RGS20: variants seen among roughly 807,000 people sequenced by gnomAD.
The protein encoded by RGS20 is gz-selective GTPase-activating protein.
In RGS20, 30 loss-of-function variants were observed where a neutral mutation model predicts 33.6. The observed-to-expected ratio is 0.89, with a 90% CI of 0.67 to 1.21. RGS20 has a LOEUF of 1.21. RGS20 is among the 50% of genes most tolerant of loss of function. The pLI is 0.00. For synonymous variants in RGS20, 208 were observed against 197.9 expected, an observed-to-expected ratio of 1.05 and a Z score of -0.43; for missense variants, 472 against 502.4, an observed-to-expected ratio of 0.94 and a Z score of 0.58.
rs1482927312 is a variant in RGS20 at position 53,939,574 on chromosome 8, A to T, written c.511-2A>T. On this transcript the variant is annotated splice_acceptor_variant, in intron 2 of 5. Transcript: ENST00000297313. LOFTEE classifies it high-confidence loss of function. ...CCCGCTTTGTTCCTCTCCCTCTTGC[A>T]GCAGATGGGATCAGAGCGGATGGAG... 1.3e-6 allele frequency: 2 copies of T among 1,552,036 alleles called. No individual in the cohort carries two copies. Among genetic ancestry groups the T allele is most frequent in the Non-Finnish European group, 1.7e-6 (2 of 1,147,162 alleles).
At chr8:53,879,635 C>T (rs764223478) in intron 2 of RGS20, 84 of 1,410,874 alleles carry the variant, frequency 6.0e-5, no homozygotes, top group Non-Finnish European at 5.7e-5. Flanking sequence ...CGCCCCACAC[C>T]CAGCCTCCCC....
intron 1 of RGS20, among the ~76,000 whole-genome samples, chr8:53,875,448 A>AAAC (rs1812182339): frequency 6.9e-6 from 1 of 145,554 alleles, no homozygotes; most frequent in Non-Finnish European, 1.5e-5. Context: ...AAAAAAAAAA[A>AAAC]AACCAAAAAA....
At chr8:53,869,763 C>G (rs576019305) in intron 1 of RGS20, among the ~76,000 whole-genome samples, 14 of 152,278 alleles carry the variant, frequency 9.2e-5, no homozygotes, top group Non-Finnish European at 1.8e-4. Context: ...GCTACACACA[C>G]CAAGAGAACA....
chr8:53,906,249 G>A (rs1333047898), intron 2 of RGS20, among the ~76,000 whole-genome samples: 1 of 152,070 alleles, frequency 6.6e-6, no homozygotes, highest in African/African-American at 2.4e-5. Context: ...GGTGGCACGT[G>A]CCTACAGTCC....
intron 2 of RGS20, among the ~76,000 whole-genome samples, chr8:53,902,535 CTCTA>C (rs1248597511): frequency 1.3e-5 from 2 of 152,106 alleles, no homozygotes; most frequent in African/African-American, 2.4e-5. Flanking sequence ...TATCCTTCCT[CTCTA>C]TCTTTCTCAT....
intron 2 of RGS20, among the ~76,000 whole-genome samples, chr8:53,937,588 G>C (rs1194363211): frequency 6.6e-6 from 1 of 152,240 alleles, no homozygotes; most frequent in East Asian, 1.9e-4. Flanking sequence ...TCATCAGAGT[G>C]AACAGGCAAC....
At chr8:53,906,350 T>C (rs1211024614) in intron 2 of RGS20, among the ~76,000 whole-genome samples, 4 of 151,710 alleles carry the variant, frequency 2.6e-5, no homozygotes, top group African/African-American at 9.7e-5. Context: ...CACTCCAGCC[T>C]GGGTGACAGA....
intron 2 of RGS20, among the ~76,000 whole-genome samples, chr8:53,898,293 T>G (rs140614232): frequency 6.6e-5 from 10 of 152,298 alleles, no homozygotes; most frequent in Admixed American, 1.3e-4. Flanking sequence ...CCCAGACCAC[T>G]GTCCTGGTAT....
At chr8:53,861,147 A>G (rs1811801349) in intron 1 of RGS20, among the ~76,000 whole-genome samples, 1 of 152,208 alleles carries the variant, frequency 6.6e-6, no homozygotes, top group African/African-American at 2.4e-5. Context: ...TGGCATTTTT[A>G]TATCTATCAC....
At chr8:53,938,438 C>T (rs969666236) in intron 2 of RGS20, among the ~76,000 whole-genome samples, 4 of 152,064 alleles carry the variant, frequency 2.6e-5, no homozygotes, top group African/African-American at 7.2e-5. Flanking sequence ...ATGTAGATGA[C>T]GGATTGATGG....
chr8:53,871,540 C>T (rs1812066607), intron 1 of RGS20, among the ~76,000 whole-genome samples: 1 of 151,956 alleles, frequency 6.6e-6, no homozygotes, highest in Non-Finnish European at 1.5e-5. Flanking sequence ...TCGCTTGACC[C>T]TGAGAGGCAG....
Position 53,926,034 on chromosome 8 carries a change from C to T in RGS20, c.511-13542C>T, listed in dbSNP as rs550323689. On this transcript the variant is annotated intron_variant, in intron 2 of 5. Transcript: ENST00000297313. ...CCAGGAGTTTGAGACATAGTGAGAT[C>T]CCACCTCTATGAAAAAAAATTGTTA... 3.6e-4 allele frequency among the ~76,000 whole-genome samples: 55 copies of T among 152,154 alleles called. No homozygotes were observed. The South Asian group carries it at 6.2e-3, about 17-fold the overall frequency.
chr8:53,882,412 A>T (rs916943917), intron 2 of RGS20, among the ~76,000 whole-genome samples: 10 of 151,972 alleles, frequency 6.6e-5, no homozygotes, highest in African/African-American at 1.9e-4. Context: ...AGCAGCAGGG[A>T]CGCGGCCGTG....
At chr8:53,894,275 A>G (rs1414586526) in intron 2 of RGS20, among the ~76,000 whole-genome samples, 1 of 152,206 alleles carries the variant, frequency 6.6e-6, no homozygotes, top group Non-Finnish European at 1.5e-5. Context: ...CTTCAATTTT[A>G]GATCTGTTTG....
intron 2 of RGS20, among the ~76,000 whole-genome samples, chr8:53,903,134 A>T (rs1813076541): frequency 6.6e-6 from 1 of 152,228 alleles, no homozygotes; most frequent in African/African-American, 2.4e-5. Context: ...TTAATTTATT[A>T]AGCAGCTGTG....
At chr8:53,956,048 G>A (rs924331698) in intron 5 of RGS20, among the ~76,000 whole-genome samples, 5 of 152,118 alleles carry the variant, frequency 3.3e-5, no homozygotes, top group African/African-American at 1.2e-4. Context: ...ACTGGGGCTC[G>A]GGGGTGAGCC....
rs1009115960 is a variant in RGS20, at chr8:53,852,587, T to G, written c.165+523T>G. On this transcript the variant is annotated intron_variant, in intron 1 of 5. Transcript: ENST00000297313. ...AGTTTCTATCAGTAGGTAATAACAT[T>G]ATTTCTCCAAAAAGTGACAATTTTC... is the stretch of plus-strand genomic sequence containing the variant. Among the ~76,000 whole-genome samples, 17 of 152,274 alleles carry G rather than the reference T, an allele frequency of 1.1e-4. No individual in the cohort carries two copies. In the South Asian group the frequency reaches 2.9e-3, roughly 26 times the overall value.
chr8:53,858,757 C>T (rs912436134), intron 1 of RGS20, among the ~76,000 whole-genome samples: 2 of 151,798 alleles, frequency 1.3e-5, no homozygotes, highest in African/African-American at 4.8e-5. Context: ...GAAGGGTCTC[C>T]GGTGATCAGC....
Position 53,954,273 on chromosome 8 carries a change from T to C in RGS20, c.941T>C (p.Ile314Thr). ...ATTATTGAAGAGAAAGCAAGGATAA[T>C]CTATGAAGACTACATTTCTATACTT... The change falls in exon 5 of 6, where the codon ATC (isoleucine) becomes ACC (threonine). Residue 314 changes from isoleucine (I) to threonine (T), a missense_variant. Ile to Thr is a moderately conservative substitution (Grantham distance 89, BLOSUM62 -1). Coordinates refer to ENST00000297313, the MANE Select transcript of RGS20 (RefSeq NM_170587.4). The C allele has an allele frequency of 6.2e-7, 1 of 1,612,694 alleles. No individual in the cohort carries two copies. Among genetic ancestry groups the C allele is most frequent in the Non-Finnish European group, 8.5e-7 (1 of 1,178,804 alleles).
Sources: allele counts gnomAD v4.1 joint callset (sites outside exome capture counted in the v4.1 genomes callset), GRCh38; gene constraint gnomAD v4.1.1; transcripts MANE v1.5; gene names NCBI Gene and HGNC (gene_info 2026-07-23, HGNC 2026-07-21).